Variants in ELP4 observed in about 807,000 individuals in gnomAD.
ELP4 encodes the protein elongator complex protein 4.
ELP4 carries 51 observed loss-of-function variants against 48.9 expected under a neutral mutation model. That is an observed-to-expected ratio of 1.04 (90% CI 0.83 to 1.32). The LOEUF is 1.32. Among genes scored for constraint, ELP4 ranks in the 40% most tolerant of loss-of-function variants. The probability of loss-of-function intolerance (pLI) is 0.00; values close to 1 mark genes in which losing one functional copy is unlikely to be tolerated. For synonymous variants in ELP4, 210 were observed against 189.2 expected (o/e 1.11, Z -0.90); for missense variants, 519 against 514.6 (o/e 1.01, Z -0.08).
chr11:31,645,188 A>C (rs1945176322), intron 7 of ELP4, among the ~76,000 whole-genome samples: 1 of 151,802 alleles, frequency 6.6e-6, no homozygotes, highest in Non-Finnish European at 1.5e-5. Context: ...TGTGAAACTT[A>C]GAAATATAAT....
At chr11:31,645,685 G>A (rs1043233429) in intron 7 of ELP4, 3 of 151,612 alleles carry the variant, frequency 2.0e-5, no homozygotes, top group Non-Finnish European at 4.4e-5. Context: ...AAGAAATATT[G>A]TCAGTAGCCT....
intron 9 of ELP4, among the ~76,000 whole-genome samples, chr11:31,779,087 T>A (rs1458727787): frequency 1.3e-5 from 2 of 152,228 alleles, no homozygotes; most frequent in African/African-American, 4.8e-5. Flanking sequence ...ATGTTAATGC[T>A]TATTTCTGTG....
intron 3 of ELP4, among the ~76,000 whole-genome samples, chr11:31,591,655 G>T (rs1957578791): frequency 6.6e-6 from 1 of 152,090 alleles, no homozygotes; most frequent in African/African-American, 2.4e-5. Context: ...TACATTGTTG[G>T]TCGGAATGTA....
At chr11:31,686,128 C>T (rs1052871633) in intron 9 of ELP4, among the ~76,000 whole-genome samples, 1 of 151,832 alleles carries the variant, frequency 6.6e-6, no homozygotes, top group African/African-American at 2.4e-5. Context: ...CCAAACTCAC[C>T]TGTGAAAAAT....
intron 2 of ELP4, among the ~76,000 whole-genome samples, chr11:31,538,547 G>T (rs186043854): frequency 6.6e-6 from 1 of 150,480 alleles, no homozygotes; most frequent in African/African-American, 2.4e-5. Context: ...CATTTTTCCC[G>T]ATCTCAGAAG....
rs1218499626 is a variant in ELP4 at position 31,675,480 on chromosome 11, C to G, written c.1143+25259C>G. Among the ~76,000 whole-genome samples the G allele has an allele frequency of 2.6e-5, 4 of 151,966 alleles. No individual in the cohort carries two copies. In the South Asian group the frequency reaches 8.3e-4, roughly 32 times the overall value. ...GGTTTCTCCATGTTGAGGCTGGTCT[C>G]GAACTCCTGACCTCAGGTGATCCGC... On this transcript the variant is annotated intron_variant, in intron 9 of 9. Coordinates refer to ENST00000640961, the MANE Select transcript of ELP4 (RefSeq NM_019040.5).
At chr11:31,694,303 A>G (rs555544648) in intron 9 of ELP4, among the ~76,000 whole-genome samples, 1 of 152,140 alleles carries the variant, frequency 6.6e-6, no homozygotes, top group Non-Finnish European at 1.5e-5. Flanking sequence ...TAGGTCTAAC[A>G]TGTAAGTCTT....
At chr11:31,547,568 C>G (rs987252828) in intron 3 of ELP4, among the ~76,000 whole-genome samples, 2 of 152,148 alleles carry the variant, frequency 1.3e-5, no homozygotes, top group African/African-American at 4.8e-5. Flanking sequence ...CAAGGAGGAA[C>G]TGGTACCATT....
At chr11:31,545,955 G>A (rs1189057826) in intron 3 of ELP4, among the ~76,000 whole-genome samples, 1 of 151,870 alleles carries the variant, frequency 6.6e-6, no homozygotes, top group Non-Finnish European at 1.5e-5. Context: ...GTCACCACCA[G>A]GCCTGCCCTA....
chr11:31,558,719 G>GT (rs1485503901), intron 3 of ELP4, among the ~76,000 whole-genome samples: 1 of 151,914 alleles, frequency 6.6e-6, no homozygotes, highest in Non-Finnish European at 1.5e-5. Context: ...GAAATATCAG[G>GT]TTTTCCATTC....
chr11:31,708,683 A>C (rs999756360), intron 9 of ELP4, among the ~76,000 whole-genome samples: 1 of 152,182 alleles, frequency 6.6e-6, no homozygotes, highest in Non-Finnish European at 1.5e-5. Flanking sequence ...TTTACCCAGC[A>C]GTAAGAAAGT....
chr11:31,580,959 T>C (rs912265320), intron 3 of ELP4, among the ~76,000 whole-genome samples: 3 of 152,232 alleles, frequency 2.0e-5, no homozygotes, highest in Non-Finnish European at 4.4e-5. Context: ...GTGTACATGA[T>C]GACAATTTCT....
intron 3 of ELP4, among the ~76,000 whole-genome samples, chr11:31,591,484 A>G (rs1216750556): frequency 6.6e-6 from 1 of 151,052 alleles, no homozygotes; most frequent in Admixed American, 6.6e-5. Context: ...CAGATGGCCA[A>G]CCCAGCACAT....
chr11:31,564,336 T>C (rs1957069925), intron 3 of ELP4, among the ~76,000 whole-genome samples: 1 of 151,976 alleles, frequency 6.6e-6, no homozygotes, highest in African/African-American at 2.4e-5. Flanking sequence ...AGATTTTTTT[T>C]CCAGAGATAT....
At chr11:31,758,819 C>G in intron 9 of ELP4, among the ~76,000 whole-genome samples, 1 of 151,944 alleles carries the variant, frequency 6.6e-6, no homozygotes, top group Admixed American at 6.6e-5. Flanking sequence ...AAGTGCACAC[C>G]ACCACACTCA....
intron 7 of ELP4, among the ~76,000 whole-genome samples, chr11:31,641,500 C>CTT (rs1296834187): frequency 1.3e-5 from 2 of 151,782 alleles, no homozygotes; most frequent in Admixed American, 1.3e-4. Flanking sequence ...AACATTGGAT[C>CTT]TTTATATTTT....
At chr11:31,574,599 A>G (rs1957240441) in intron 3 of ELP4, among the ~76,000 whole-genome samples, 1 of 152,172 alleles carries the variant, frequency 6.6e-6, no homozygotes, top group Admixed American at 6.5e-5. Flanking sequence ...CAGAGGAAGG[A>G]TCAGACAGCA....
intron 9 of ELP4, among the ~76,000 whole-genome samples, chr11:31,687,238 A>T (rs149811171): frequency 6.6e-6 from 1 of 152,306 alleles, no homozygotes; most frequent in East Asian, 1.9e-4. Flanking sequence ...TTCTAAGGAG[A>T]TACATGATCC....
At chr11:31,658,494 A>G (rs1565099305) in intron 9 of ELP4, among the ~76,000 whole-genome samples, 1 of 151,798 alleles carries the variant, frequency 6.6e-6, no homozygotes, top group African/African-American at 2.4e-5. Flanking sequence ...TCTCTAAAAT[A>G]CTATTTACTG....
Sources: allele counts gnomAD v4.1 joint callset (sites outside exome capture counted in the v4.1 genomes callset), GRCh38; gene constraint gnomAD v4.1.1; transcripts MANE v1.5; gene names NCBI Gene and HGNC (gene_info 2026-07-23, HGNC 2026-07-21).